C3orf85: variants seen among roughly 807,000 people sequenced by gnomAD.
C3orf85 encodes chromosome 3 open reading frame 85.
Under a neutral mutation model 1.7 loss-of-function variants are expected in C3orf85, and 1 was observed. The ratio of observed to expected loss-of-function variants is 0.60; its 90% confidence interval spans 0.21 to 2.86. C3orf85 has a LOEUF of 2.86. Ranked by LOEUF, C3orf85 falls within the 30% of genes most tolerant of loss-of-function variation. The pLI is 0.22. For missense variants in C3orf85, 29 were observed against 21.3 expected (o/e 1.36, Z -0.72); for synonymous variants, 17 against 8.0 (o/e 2.13, Z -1.90).
intron 2 of C3orf85, among the ~76,000 whole-genome samples, chr3:109,143,289 G>A (rs1178602052): frequency 6.6e-6 from 1 of 152,126 alleles, no homozygotes; most frequent in African/African-American, 2.4e-5. Flanking sequence ...ATCATTTCAA[G>A]GTTATGTGTA....
chr3:109,138,411 T>C (rs1706704037), intron 2 of C3orf85, among the ~76,000 whole-genome samples: 1 of 152,228 alleles, frequency 6.6e-6, no homozygotes, highest in Admixed American at 6.5e-5. Flanking sequence ...TGACAGTTTC[T>C]ACATCATGTA....
chr3:109,149,720 A>G (rs1706847085), intron 3 of C3orf85, 85 bp from the exon 4 acceptor site: 1 of 396,574 alleles, frequency 2.5e-6, no homozygotes, highest in Non-Finnish European at 4.5e-6. Flanking sequence ...ATCTTTTAGG[A>G]ATATCTGTAT....
chr3:109,137,173 C>T (rs1306652075), intron 2 of C3orf85, among the ~76,000 whole-genome samples: 1 of 151,940 alleles, frequency 6.6e-6, no homozygotes, highest in East Asian at 1.9e-4. Context: ...CAAATAAGTG[C>T]TGTTGTGTCC....
intron 2 of C3orf85, among the ~76,000 whole-genome samples, chr3:109,141,025 C>T (rs535958552): frequency 2.6e-5 from 4 of 152,234 alleles, no homozygotes; most frequent in Admixed American, 6.5e-5. Context: ...CTCTCTCTGT[C>T]GCTCAGGCTG....
chr3:109,149,838 G>T lies in C3orf85; in HGVS notation c.217G>T (p.Ala73Ser), dbSNP rs1706848422. ...RETWIALKTT[A>S]QYYLDMNTFT... is the part of the protein sequence containing the mutation. ...AACATGGATTGCTTTGAAAACAACA[G>T]CACAGTATTATTTGGATATGAATAC... is the stretch of plus-strand genomic sequence containing the variant. The change falls in exon 4 of 4, where the codon GCA becomes TCA. Residue 73 changes from alanine (A) to serine (S), a missense_variant. By Grantham distance (99) the Ala-to-Ser change is moderately conservative. Transcript: ENST00000622536. 1 of 398,350 alleles carries T rather than the reference G, an allele frequency of 2.5e-6. No homozygotes were observed. Among genetic ancestry groups the T allele is most frequent in the Non-Finnish European group, 4.4e-6 (1 of 225,688 alleles). The allele number at this position is 398,350 out of a possible 1,614,324, so 24.7% of individuals were successfully genotyped here.
chr3:109,138,931 T>G (rs1423903649), intron 2 of C3orf85, among the ~76,000 whole-genome samples: 2 of 152,224 alleles, frequency 1.3e-5, no homozygotes, highest in Non-Finnish European at 2.9e-5. Flanking sequence ...AAAAAAAATT[T>G]TAATTGCCTT....
At chr3:109,142,492 G>T (rs971775779) in intron 2 of C3orf85, among the ~76,000 whole-genome samples, 2 of 152,110 alleles carry the variant, frequency 1.3e-5, no homozygotes, top group African/African-American at 4.8e-5. Flanking sequence ...TAATACCCCA[G>T]ATATCAGTAT....
intron 2 of C3orf85, among the ~76,000 whole-genome samples, chr3:109,138,693 G>T (rs1384324678): frequency 6.6e-6 from 1 of 152,084 alleles, no homozygotes; most frequent in East Asian, 1.9e-4. Flanking sequence ...TGGGAATGCT[G>T]AGGCCAAAAA....
At chr3:109,138,105 G>C (rs1039371449) in intron 2 of C3orf85, among the ~76,000 whole-genome samples, 2 of 152,066 alleles carry the variant, frequency 1.3e-5, no homozygotes, top group African/African-American at 4.8e-5. Context: ...TTTTAAAGAG[G>C]CTTCAAAGAC....
Position 109,136,989 on chromosome 3 carries a change from T to A in C3orf85, c.49+93T>A, listed in dbSNP as rs1576771517. On this transcript the variant is annotated intron_variant, in intron 2 of 3. Transcript: ENST00000622536. ...TTCTTAAAGAAATGAACAAACACGTTTTTATCCATAGGCCTATTCTATAGC... is the reference window on the plus strand; with the variant it reads ...TTCTTAAAGAAATGAACAAACACGTATTTATCCATAGGCCTATTCTATAGC... 7.5e-6 allele frequency: 3 copies of A among 398,706 alleles called. No individual in the cohort carries two copies. The East Asian group carries it at 1.1e-4, about 14-fold the overall frequency. The allele number at this position is 398,706 out of a possible 1,614,324, so 24.7% of individuals were successfully genotyped here. A position where few individuals can be genotyped will look rare whatever the true frequency, so the allele number is the denominator to read the frequency against.
rs1706860415 is a variant in C3orf85 at position 109,150,781 on chromosome 3, A to G, written c.*887A>G. Reference sequence around the variant, plus strand: ...AATTTTTGTCTTCAGAAGTCTATTTATCTCCATTCTCTATTCTCTATTTTA... The same window carrying G: ...AATTTTTGTCTTCAGAAGTCTATTTGTCTCCATTCTCTATTCTCTATTTTA... On this transcript the variant is annotated 3_prime_UTR_variant, in exon 4 of 4. Transcript: ENST00000622536. Among the ~76,000 whole-genome samples the G allele has an allele frequency of 6.6e-6, 1 of 152,158 alleles. No individual in the cohort carries two copies. The highest frequency in any genetic ancestry group is 6.5e-5 in the Admixed American group (1 of 15,282).
chr3:109,148,597 A>G (rs1706826982), intron 3 of C3orf85: 1 of 501,816 alleles, frequency 2.0e-6, no homozygotes, highest in Non-Finnish European at 3.5e-6. Flanking sequence ...TGTCCCTCTG[A>G]AGCCTTTCCC....
At chr3:109,147,758 G>A (rs1706816208) in intron 2 of C3orf85, among the ~76,000 whole-genome samples, 1 of 152,132 alleles carries the variant, frequency 6.6e-6, no homozygotes, top group Non-Finnish European at 1.5e-5. Flanking sequence ...AGTTCAAACA[G>A]AAAGATCAGT....
intron 2 of C3orf85, among the ~76,000 whole-genome samples, chr3:109,139,273 G>A (rs892053791): frequency 6.6e-6 from 1 of 152,156 alleles, no homozygotes; most frequent in Non-Finnish European, 1.5e-5. Flanking sequence ...AGAGCAAGAC[G>A]TCCTCTTGAA....
chr3:109,147,059 C>G (rs1298599631), intron 2 of C3orf85, among the ~76,000 whole-genome samples: 1 of 152,138 alleles, frequency 6.6e-6, no homozygotes, highest in African/African-American at 2.4e-5. Context: ...TGAAACACAT[C>G]ATTCCTCTGG....
intron 2 of C3orf85, among the ~76,000 whole-genome samples, chr3:109,145,666 T>A (rs557891243): frequency 5.9e-5 from 9 of 152,326 alleles, no homozygotes; most frequent in East Asian, 3.9e-4. Context: ...ACAATTTTTT[T>A]AAAAAGTAAA....
chr3:109,150,190 AC>A lies in C3orf85; in HGVS notation c.*297del, dbSNP rs1393604989. 33 of 146,586 alleles carry A rather than the reference AC, an allele frequency of 2.3e-4. No individual in the cohort carries two copies. Among genetic ancestry groups the A allele is most frequent in the African/African-American group, 7.7e-4 (31 of 40,378 alleles). The allele number at this position is 146,586 out of a possible 1,614,324, so 9.1% of individuals were successfully genotyped here. On this transcript the variant is annotated 3_prime_UTR_variant, in exon 4 of 4. Coordinates refer to ENST00000622536, the MANE Select transcript of C3orf85 (RefSeq NM_001351622.2). The stretch of plus-strand genomic sequence containing the variant: ...TGGGAAAAGGAAAGCAAAAACATAA[AC>A]AAAGAAAAGTAGTTTCATTAAACCA...
rs1706682420 is a variant in C3orf85, at chr3:109,136,837, A to G, written c.-4-7A>G. 2.4e-6 allele frequency: 1 copy of G among 415,022 alleles called. No individual in the cohort carries two copies. The highest frequency in any genetic ancestry group is 3.5e-5 in the East Asian group (1 of 28,540). The allele number at this position is 415,022 out of a possible 1,614,324, so 25.7% of individuals were successfully genotyped here. On this transcript the variant is annotated splice_region_variant and splice_polypyrimidine_tract_variant and intron_variant, in intron 1 of 3. Coordinates refer to ENST00000622536, the MANE Select transcript of C3orf85 (RefSeq NM_001351622.2). ...AGTAAATAAATCTTTTTTTTTTCCC[A>G]AAATAGGATCATGGCCTATAAAATG...
rs1576776774 is a variant in C3orf85, at chr3:109,150,140, A to G, written c.*246A>G. 19 of 243,594 alleles carry G rather than the reference A, an allele frequency of 7.8e-5. No homozygotes were observed. In the East Asian group the frequency reaches 1.4e-3, roughly 18 times the overall value. The allele number at this position is 243,594 out of a possible 1,614,324, so 15.1% of individuals were successfully genotyped here. Reference sequence around the variant, plus strand: ...AAAAAAAAAAAAGGCTGTAGTAATAACATTTACCAAAACGATGGCATTTAT... The same window carrying G: ...AAAAAAAAAAAAGGCTGTAGTAATAGCATTTACCAAAACGATGGCATTTAT... On this transcript the variant is annotated 3_prime_UTR_variant, in exon 4 of 4. Coordinates refer to ENST00000622536, the MANE Select transcript of C3orf85 (RefSeq NM_001351622.2).
Sources: gnomAD v4.1 joint callset for allele counts (sites outside exome capture counted in the v4.1 genomes callset) on GRCh38, gnomAD v4.1.1 for gene constraint, MANE v1.5 for transcripts, NCBI Gene and HGNC (gene_info 2026-07-23, HGNC 2026-07-21) for gene names.